Variants in ACTR3C observed in about 807,000 individuals in gnomAD.
The protein encoded by ACTR3C is actin-related protein 3C.
ACTR3C carries 18 observed loss-of-function variants against 26.3 expected under a neutral mutation model. The observed-to-expected ratio is 0.68, with a 90% CI of 0.47 to 1.01. The LOEUF (loss-of-function observed/expected upper bound fraction) is 1.01, where lower values mean the gene tolerates loss of function less well. ACTR3C is among the 50% of genes least tolerant of loss of function. The probability of loss-of-function intolerance (pLI) is 0.00; values close to 1 mark genes in which losing one functional copy is unlikely to be tolerated. For missense variants in ACTR3C, 184 were observed against 250.7 expected (o/e 0.73, Z 1.80); for synonymous variants, 55 against 94.5 (o/e 0.58, Z 2.42).
the ACTR3C span, among the ~76,000 whole-genome samples, chr7:149,918,202 G>T: frequency 2.6e-5 from 4 of 151,562 alleles, no homozygotes; most frequent in South Asian, 2.1e-4. Flanking sequence ...GTATATATAA[G>T]ATCATAAAGC....
chr7:150,248,351 G>A (rs1426834653), intron 7 of ACTR3C: 12 of 151,828 alleles, frequency 7.9e-5, no homozygotes, highest in African/African-American at 2.9e-4. Context: ...TCTCAACAGA[G>A]AAGCTGGCTA....
chr7:150,014,428 C>A, the ACTR3C span, among the ~76,000 whole-genome samples: 4 of 143,230 alleles, frequency 2.8e-5, no homozygotes, highest in Admixed American at 2.2e-4. Flanking sequence ...TGCACTCCAG[C>A]CTGGGTGACA....
chr7:150,252,458 G>A (rs771963487), intron 6 of ACTR3C, among the ~76,000 whole-genome samples: 6 of 152,188 alleles, frequency 3.9e-5, no homozygotes, highest in Non-Finnish European at 7.3e-5. Flanking sequence ...CTTGGAGGAT[G>A]CAGAGGCTGA....
chr7:150,019,343 C>T, the ACTR3C span, among the ~76,000 whole-genome samples: 5 of 149,958 alleles, frequency 3.3e-5, no homozygotes, highest in Non-Finnish European at 7.4e-5. Context: ...CCTGTAATCC[C>T]GACACTTTGG....
chr7:150,056,024 A>T, the ACTR3C span, among the ~76,000 whole-genome samples: 4 of 152,164 alleles, frequency 2.6e-5, no homozygotes, highest in African/African-American at 9.7e-5. Context: ...ATTTAATTTT[A>T]TTTTTCACCA....
chr7:150,250,175 A>G (rs1455723112), intron 6 of ACTR3C, among the ~76,000 whole-genome samples: 1 of 150,970 alleles, frequency 6.6e-6, no homozygotes, highest in Non-Finnish European at 1.5e-5. Context: ...TTATTAGAAT[A>G]AATGAGCAAG....
At chr7:150,169,157 A>G in the ACTR3C span, among the ~76,000 whole-genome samples, 966 of 150,232 alleles carry the variant, frequency 6.4e-3, 54 homozygotes, top group African/African-American at 0.019. Context: ...CGAGGTGGGC[A>G]CATCAGGAGG....
chr7:150,172,701 G>A, the ACTR3C span, among the ~76,000 whole-genome samples: 1 of 150,698 alleles, frequency 6.6e-6, no homozygotes, highest in African/African-American at 2.5e-5. Context: ...GACAAGGCAA[G>A]TCCCTACTGC....
chr7:150,226,168 A>AT, the ACTR3C span, among the ~76,000 whole-genome samples: 1 of 152,102 alleles, frequency 6.6e-6, no homozygotes, highest in Admixed American at 6.5e-5. Flanking sequence ...TTGCATGTAG[A>AT]TTTTTTGTGT....
chr7:150,153,789 C>T, the ACTR3C span, among the ~76,000 whole-genome samples: 51 of 114,830 alleles, frequency 4.4e-4, no homozygotes, highest in South Asian at 4.5e-3. Context: ...TTTATTGTGG[C>T]ACTATTCACA....
chr7:150,216,658 G>A, the ACTR3C span, among the ~76,000 whole-genome samples: 1 of 152,008 alleles, frequency 6.6e-6, no homozygotes, highest in Non-Finnish European at 1.5e-5. Flanking sequence ...ACCTGCTCCT[G>A]AGGAGCTGTG....
chr7:150,246,174 C>G (rs1233288796), downstream of ACTR3C: 1 of 152,202 alleles, frequency 6.6e-6, no homozygotes, highest in Non-Finnish European at 1.5e-5. Flanking sequence ...TTTGTACTTG[C>G]AGATCCAGCT....
At chr7:150,099,618 A>T in the ACTR3C span, among the ~76,000 whole-genome samples, 1 of 151,582 alleles carries the variant, frequency 6.6e-6, no homozygotes, top group Non-Finnish European at 1.5e-5. Flanking sequence ...GGATGGAAGG[A>T]GCTGGGCAGC....
At chr7:149,928,459 A>T in the ACTR3C span, among the ~76,000 whole-genome samples, 6 of 143,082 alleles carry the variant, frequency 4.2e-5, no homozygotes, top group South Asian at 2.2e-4. Flanking sequence ...TGACCTCATG[A>T]TCCACCTCCT....
the ACTR3C span, among the ~76,000 whole-genome samples, chr7:149,905,223 C>T: frequency 6.6e-6 from 1 of 152,010 alleles, no homozygotes; most frequent in South Asian, 2.1e-4. Context: ...GAGTATGGAA[C>T]GTATGGAACA....
At chr7:149,965,701 A>G in the ACTR3C span, among the ~76,000 whole-genome samples, 1 of 152,238 alleles carries the variant, frequency 6.6e-6, no homozygotes, top group African/African-American at 2.4e-5. Flanking sequence ...ACTGCATATC[A>G]CACCCCTTCT....
chr7:150,269,049 C>T (rs1241934097), intron 6 of ACTR3C, among the ~76,000 whole-genome samples: 1 of 9,876 alleles, frequency 1.0e-4, no homozygotes, highest in South Asian at 2.0e-3. Flanking sequence ...ACCGCCCGGC[C>T]CTAAGCCGTC....
chr7:150,133,789 G>A, the ACTR3C span, among the ~76,000 whole-genome samples: 1 of 152,276 alleles, frequency 6.6e-6, no homozygotes, highest in African/African-American at 2.4e-5. Context: ...TCAGACTGGA[G>A]TGCTGTGGCA....
the ACTR3C span, among the ~76,000 whole-genome samples, chr7:149,974,378 T>C: frequency 2.6e-5 from 4 of 151,386 alleles, no homozygotes; most frequent in South Asian, 2.1e-4. Flanking sequence ...TTTTATATAA[T>C]AGATGGGAGG....
Sources: gnomAD v4.1 joint callset for allele counts (sites outside exome capture counted in the v4.1 genomes callset) on GRCh38, gnomAD v4.1.1 for gene constraint, MANE v1.5 for transcripts, NCBI Gene and HGNC (gene_info 2026-07-23, HGNC 2026-07-21) for gene names.